TSGA10IP: variants seen among roughly 807,000 people sequenced by gnomAD.
TSGA10IP encodes the protein testis-specific protein 10-interacting protein.
In TSGA10IP, 64 loss-of-function variants were observed where a neutral mutation model predicts 63.2. The ratio of observed to expected loss-of-function variants is 1.01; its 90% CI spans 0.83 to 1.25. TSGA10IP has a LOEUF of 1.25. Among genes scored for constraint, TSGA10IP ranks in the 50% most tolerant of loss-of-function variants. TSGA10IP has a pLI of 0.00. For missense variants in TSGA10IP, 681 were observed against 710.1 expected, an observed-to-expected ratio of 0.96 and a Z score of 0.47; for synonymous variants, 316 against 298.3, an observed-to-expected ratio of 1.06 and a Z score of -0.61.
chr11:65,956,634 T>A (rs1327992092), intron 5 of TSGA10IP, among the ~76,000 whole-genome samples: 1 of 152,060 alleles, frequency 6.6e-6, no homozygotes, highest in African/African-American at 2.4e-5. Context: ...CTCAAGCAAT[T>A]CTCCTGCCTC....
intron 4 of TSGA10IP, among the ~76,000 whole-genome samples, chr11:65,951,442 ATGATTAG>A (rs1249568243): frequency 1.3e-5 from 2 of 151,496 alleles, no homozygotes; most frequent in African/African-American, 2.4e-5. Context: ...CATTTCCCAG[ATGATTAG>A]TGATTAGTGA....
At chr11:65,948,356 CTCAACCAT>C (rs1458670428) in intron 4 of TSGA10IP, among the ~76,000 whole-genome samples, 1 of 152,186 alleles carries the variant, frequency 6.6e-6, no homozygotes, top group East Asian at 1.9e-4. Context: ...ATAACATCCA[CTCAACCAT>C]TCATCCATCT....
At chr11:65,959,471 G>A (rs759624363) in intron 7 of TSGA10IP, among the ~76,000 whole-genome samples, 157 bp downstream of exon 7, 2 of 152,198 alleles carry the variant, frequency 1.3e-5, no homozygotes, top group African/African-American at 2.4e-5. Context: ...TCTCAATGAG[G>A]AAACTAAGGA....
chr11:65,947,120 C>A (rs886077927), exon 3 of TSGA10IP: 1 of 1,611,318 alleles, frequency 6.2e-7, no homozygotes, highest in African/African-American at 1.3e-5. Context: ...TCACTTCCCG[C>A]TTCTTCCTCG....
chr11:65,947,278 G>A (rs375369829), exon 3 of TSGA10IP: 74 of 1,612,044 alleles, frequency 4.6e-5, no homozygotes, highest in African/African-American at 1.1e-4. Flanking sequence ...GCAAGTCCAC[G>A]GCCAACCTCC....
intron 5 of TSGA10IP, among the ~76,000 whole-genome samples, chr11:65,955,042 T>G (rs1469259985): frequency 6.6e-6 from 1 of 152,070 alleles, no homozygotes; most frequent in East Asian, 1.9e-4. Flanking sequence ...TACCTAGGGG[T>G]GTGTTTTTTT....
chr11:65,952,875 C>T (rs1463673132), intron 4 of TSGA10IP, among the ~76,000 whole-genome samples: 1 of 151,018 alleles, frequency 6.6e-6, no homozygotes, highest in Non-Finnish European at 1.5e-5. Flanking sequence ...TTTTGTGGTT[C>T]TATATTAATT....
At chr11:65,958,328 A>AT (rs1404364975) in intron 5 of TSGA10IP, among the ~76,000 whole-genome samples, 19 of 151,480 alleles carry the variant, frequency 1.3e-4, no homozygotes, top group East Asian at 3.9e-4. Context: ...TTTGAAACAT[A>AT]TTTTTTTTTA....
In TSGA10IP at chr11:65,947,877, G is replaced by C. The variant is rs947699970; in HGVS notation, c.1003+49G>C. On this transcript the variant is annotated intron_variant, in intron 3 of 7. Coordinates refer to ENST00000532620, the Ensembl canonical transcript of TSGA10IP. ...GATTCCCCCGAAGCTACACCGCAGGGAACAGGGAGCAGTCAGGGAGGCAGG... is the reference window on the plus strand; with the variant it reads ...GATTCCCCCGAAGCTACACCGCAGGCAACAGGGAGCAGTCAGGGAGGCAGG... 3 of 1,514,982 alleles carry C rather than the reference G, an allele frequency of 2.0e-6. No homozygotes were observed. In the East Asian group the frequency reaches 7.4e-5, roughly 37 times the overall value. 93.8% of individuals were successfully genotyped at this position (1,514,982 alleles called of 1,614,324 possible).
rs769573245 is a variant in TSGA10IP, at chr11:65,958,918, C to T, written c.1358C>T (p.Ala453Val). Residue 453 changes from alanine (A) to valine (V), a missense_variant, in exon 6 of 8, where the codon GCG becomes GTG. By Grantham distance (64) the Ala-to-Val change is moderately conservative (BLOSUM62 0). Coordinates refer to ENST00000532620, the Ensembl canonical transcript of TSGA10IP. Reference sequence around the variant, plus strand: ...CGACAGCGCTTTGCTGAGTACCAGGCGGAGCTGCAAGGCATCCAGCACAGG... The same window carrying T: ...CGACAGCGCTTTGCTGAGTACCAGGTGGAGCTGCAAGGCATCCAGCACAGG... The T allele has an allele frequency of 5.6e-6, 9 of 1,613,158 alleles. No individual in the cohort carries two copies. The highest frequency in any genetic ancestry group is 4.0e-5 in the African/African-American group (3 of 75,052).
intron 5 of TSGA10IP, among the ~76,000 whole-genome samples, chr11:65,955,272 A>G (rs1393659651): frequency 4.0e-5 from 6 of 151,724 alleles, no homozygotes; most frequent in Admixed American, 3.3e-4. Flanking sequence ...GGGAACTTGT[A>G]GCCATCTGGT....
chr11:65,957,988 CT>C (rs1046271426), intron 5 of TSGA10IP, among the ~76,000 whole-genome samples: 6 of 152,206 alleles, frequency 3.9e-5, no homozygotes, highest in African/African-American at 1.4e-4. Context: ...GGGTCTTGCT[CT>C]GTTGCCCAGG....
chr11:65,955,096 C>T (rs1855001797), intron 5 of TSGA10IP, among the ~76,000 whole-genome samples: 1 of 152,194 alleles, frequency 6.6e-6, no homozygotes, highest in South Asian at 2.1e-4. Flanking sequence ...AAACCTTGAG[C>T]CTAGCTGTGT....
At chr11:65,959,389 G>A in intron 7 of TSGA10IP, 75 bp downstream of exon 7, 1 of 1,556,030 alleles carries the variant, frequency 6.4e-7, no homozygotes, top group Non-Finnish European at 8.7e-7. Flanking sequence ...CAGCACTCTG[G>A]GCTCTGGAGG....
intron 2 of TSGA10IP, 29 bp downstream of exon 2, chr11:65,947,045 CTGTTGGGGGTCAGGG>C (rs1854848094): frequency 6.2e-7 from 1 of 1,612,690 alleles, no homozygotes; most frequent in Non-Finnish European, 8.5e-7. Flanking sequence ...GGTCAGGAGG[CTGTTGGGGGTCAGGG>C]CCCTCTGGGG....
At chr11:65,958,143 C>A (rs1217770122) in intron 5 of TSGA10IP, among the ~76,000 whole-genome samples, 1 of 151,968 alleles carries the variant, frequency 6.6e-6, no homozygotes, top group Non-Finnish European at 1.5e-5. Context: ...CAGGATTTCA[C>A]CATGTTGCCC....
intron 1 of TSGA10IP, 43 bp from the exon 2 acceptor site, chr11:65,946,837 G>A: frequency 1.2e-6 from 2 of 1,602,386 alleles, no homozygotes; most frequent in Admixed American, 1.7e-5. Context: ...CAGTCCAGGA[G>A]GCTGCTCAAG....
Position 65,947,080 on chromosome 11 carries a change from G to A in TSGA10IP, c.285-30G>A, listed in dbSNP as rs760941907. ...TCAGGGCCCTCTGGGGGCTGGCGCC[G>A]ACCCTGACCCCCACCCTTTCCTTCT... On this transcript the variant is annotated intron_variant, in intron 2 of 7. Coordinates refer to ENST00000532620, the Ensembl canonical transcript of TSGA10IP. The A allele has an allele frequency of 1.5e-5, 24 of 1,608,074 alleles. 1 individual carries two copies. The highest frequency in any genetic ancestry group is 1.4e-4 in the South Asian group (13 of 90,890).
chr11:65,958,872 CT>C lies in TSGA10IP; in HGVS notation c.1323-10del. 1.2e-6 allele frequency: 2 copies of C among 1,609,116 alleles called. No homozygotes were observed. Among genetic ancestry groups the C allele is most frequent in the Non-Finnish European group, 1.7e-6 (2 of 1,177,658 alleles). On this transcript the variant is annotated splice_polypyrimidine_tract_variant and intron_variant, in intron 5 of 7. Coordinates refer to ENST00000532620, the Ensembl canonical transcript of TSGA10IP. ...CATGGTTAGCTGCACAAAGGCCTGT[CT>C]CCCCTGCAGGCGCCAGGAGCGACAG... is the stretch of plus-strand genomic sequence containing the variant.
Sources: allele counts gnomAD v4.1 joint callset (sites outside exome capture counted in the v4.1 genomes callset), GRCh38; gene constraint gnomAD v4.1.1; transcripts MANE v1.5; gene names NCBI Gene and HGNC (gene_info 2026-07-23, HGNC 2026-07-21).